COL19A1: variants seen among roughly 807,000 people sequenced by gnomAD.
COL19A1 encodes collagen type XIX alpha 1 chain, also known as collagen alpha-1(XIX) chain.
Under a neutral mutation model 190.2 loss-of-function variants are expected in COL19A1, and 159 were observed. The ratio of observed to expected loss-of-function variants is 0.84; its 90% CI spans 0.73 to 0.95. The LOEUF is 0.95. COL19A1 is among the 40% of genes least tolerant of loss of function. The pLI is 0.00. For synonymous variants in COL19A1, 509 were observed against 458.9 expected (o/e 1.11, Z -1.39); for missense variants, 1,418 against 1,431.9 (o/e 0.99, Z 0.16).
intron 4 of COL19A1, among the ~76,000 whole-genome samples, chr6:69,906,649 A>G (rs916641842): frequency 6.6e-6 from 1 of 152,204 alleles, no homozygotes; most frequent in Non-Finnish European, 1.5e-5. Flanking sequence ...AGCTAGACAC[A>G]GTGACATAAA....
intron 6 of COL19A1, 131 bp from the exon 7 acceptor site, chr6:69,932,652 A>G (rs1772853705): frequency 6.9e-6 from 4 of 583,364 alleles, no homozygotes; most frequent in Non-Finnish European, 9.1e-6. Context: ...TAATAAAAAC[A>G]TTAAAATATC....
chr6:70,202,716 T>A (rs950247295), intron 49 of COL19A1, among the ~76,000 whole-genome samples: 2 of 152,180 alleles, frequency 1.3e-5, no homozygotes, highest in Non-Finnish European at 2.9e-5. Flanking sequence ...GAGCCGCTCC[T>A]ACCAAGATTC....
intron 15 of COL19A1, among the ~76,000 whole-genome samples, chr6:70,088,861 G>A (rs1353270295): frequency 6.6e-6 from 1 of 151,968 alleles, no homozygotes; most frequent in Non-Finnish European, 1.5e-5. Flanking sequence ...CCATTCATTT[G>A]TGTTCCTAAG....
intron 16 of COL19A1, among the ~76,000 whole-genome samples, chr6:70,108,962 AACAAAT>A (rs1261231195): frequency 6.6e-6 from 1 of 152,114 alleles, no homozygotes; most frequent in African/African-American, 2.4e-5. Context: ...TTATTTACTA[AACAAAT>A]ACTTATGGCC....
intron 15 of COL19A1, among the ~76,000 whole-genome samples, chr6:70,076,210 C>A (rs1781874364): frequency 6.6e-6 from 1 of 152,124 alleles, no homozygotes; most frequent in African/African-American, 2.4e-5. Flanking sequence ...TTCCAGCCCA[C>A]CAAATAAGAA....
chr6:70,161,334 T>C lies in COL19A1; in HGVS notation c.2293-566T>C, dbSNP rs562151181. On this transcript the variant is annotated intron_variant, in intron 34 of 50. Transcript: ENST00000620364. ...ATCTAAAATTTGTATTTCCATGTTT[T>C]ACCAGTACGAGATTCTTAGATACTA... 2.0e-4 allele frequency among the ~76,000 whole-genome samples: 31 copies of C among 152,194 alleles called. 1 individual carries two copies. The highest frequency in any genetic ancestry group is 1.5e-4 in the Non-Finnish European group (10 of 68,024).
chr6:70,004,783 G>T (rs1777512124), intron 11 of COL19A1, among the ~76,000 whole-genome samples: 1 of 150,532 alleles, frequency 6.6e-6, no homozygotes, highest in Non-Finnish European at 1.5e-5. Context: ...TTTTATCAAG[G>T]TTTTTAGCTT....
At chr6:70,088,310 A>C (rs1408722685) in intron 15 of COL19A1, among the ~76,000 whole-genome samples, 2 of 152,106 alleles carry the variant, frequency 1.3e-5, no homozygotes, top group Non-Finnish European at 2.9e-5. Flanking sequence ...GCTCAGGCTG[A>C]GAGATTATGT....
intron 1 of COL19A1, among the ~76,000 whole-genome samples, chr6:69,869,902 G>A (rs943759275): frequency 6.6e-6 from 1 of 152,196 alleles, no homozygotes; most frequent in Admixed American, 6.5e-5. Context: ...CTGAGGAAAT[G>A]TAATAGAGTT....
intron 44 of COL19A1, among the ~76,000 whole-genome samples, chr6:70,181,864 G>A (rs746354604): frequency 1.3e-5 from 2 of 152,100 alleles, no homozygotes; most frequent in African/African-American, 2.4e-5. Context: ...AAGTGAGCCC[G>A]ATGGGGTCCA....
chr6:69,974,413 C>G (rs1236909923), intron 11 of COL19A1, among the ~76,000 whole-genome samples: 7 of 152,148 alleles, frequency 4.6e-5, no homozygotes, highest in African/African-American at 7.2e-5. Flanking sequence ...CAGGAACTCA[C>G]TGATAGTGAT....
intron 2 of COL19A1, among the ~76,000 whole-genome samples, chr6:69,884,780 T>C (rs544959434): frequency 1.3e-5 from 2 of 152,264 alleles, no homozygotes; most frequent in African/African-American, 2.4e-5. Context: ...TTTTAAAGTA[T>C]GTATTTTCTT....
At position 69,936,634 on chromosome 6, in the gene COL19A1, A is replaced by T. The variant is rs1773129989; in HGVS notation, c.748-151A>T. ...CAGGCGGAAAGTGCAAAAGTGTGAT[A>T]AACATTCTCACACTGGTGTTAACTT... On this transcript the variant is annotated intron_variant, in intron 7 of 50. Transcript: ENST00000620364. 4.3e-6 allele frequency: 4 copies of T among 935,976 alleles called. No homozygotes were observed. The African/African-American group carries it at 5.0e-5, about 12-fold the overall frequency. 58.0% of individuals were successfully genotyped at this position (935,976 alleles called of 1,614,324 possible).
chr6:70,156,053 C>T (rs1583044654), intron 31 of COL19A1, 74 bp from the exon 32 acceptor site: 1 of 1,341,800 alleles, frequency 7.5e-7, no homozygotes, highest in East Asian at 2.5e-5. Context: ...AAAAAAACTT[C>T]ACATCACATG....
chr6:70,156,474 ATATATG>A, intron 33 of COL19A1, 105 bp downstream of exon 33: 1 of 1,021,968 alleles, frequency 9.8e-7, no homozygotes, highest in Non-Finnish European at 1.4e-6. Flanking sequence ...TACTATATAT[ATATATG>A]TATGTATGTA....
chr6:70,120,254 C>A (rs897589103), intron 16 of COL19A1, among the ~76,000 whole-genome samples: 11 of 152,184 alleles, frequency 7.2e-5, no homozygotes, highest in African/African-American at 2.7e-4. Flanking sequence ...TTACCTACTT[C>A]ATCACTGTTC....
chr6:70,067,406 A>G (rs1374130816), intron 14 of COL19A1, among the ~76,000 whole-genome samples: 2 of 152,146 alleles, frequency 1.3e-5, no homozygotes, highest in East Asian at 1.9e-4. Flanking sequence ...GATTTCTGGC[A>G]TGAGCATGAA....
chr6:70,062,997 T>C (rs1780938000), intron 14 of COL19A1, among the ~76,000 whole-genome samples: 1 of 152,106 alleles, frequency 6.6e-6, no homozygotes, highest in Non-Finnish European at 1.5e-5. Flanking sequence ...CTTAGAGACC[T>C]ACAAAGAGCC....
intron 1 of COL19A1, among the ~76,000 whole-genome samples, chr6:69,878,549 T>C (rs1235150910): frequency 2.0e-5 from 3 of 152,136 alleles, no homozygotes; most frequent in Admixed American, 2.0e-4. Flanking sequence ...ATAGCAAGCA[T>C]TATCTAGGAT....
Sources: allele counts gnomAD v4.1 joint callset (sites outside exome capture counted in the v4.1 genomes callset), GRCh38; gene constraint gnomAD v4.1.1; transcripts MANE v1.5; gene names NCBI Gene and HGNC (gene_info 2026-07-23, HGNC 2026-07-21).